RAP1GDS1: variants seen among roughly 807,000 people sequenced by gnomAD.
RAP1GDS1 encodes RAP1, GTP-GDP dissociation stimulator 1.
Under a neutral mutation model 71.1 loss-of-function variants are expected in RAP1GDS1, and 35 were observed. The ratio of observed to expected loss-of-function variants is 0.49; its 90% CI spans 0.38 to 0.65. The LOEUF (loss-of-function observed/expected upper bound fraction) is 0.65, where lower values mean the gene tolerates loss of function less well. RAP1GDS1 is among the 30% of genes least tolerant of loss of function. RAP1GDS1 has a pLI of 0.00. For synonymous variants in RAP1GDS1, 229 were observed against 243.1 expected (o/e 0.94, Z 0.54); for missense variants, 663 against 706.1 (o/e 0.94, Z 0.69).
chr4:98,429,047 A>G (rs1010810216), intron 12 of RAP1GDS1, among the ~76,000 whole-genome samples: 1 of 152,038 alleles, frequency 6.6e-6, no homozygotes, highest in Non-Finnish European at 1.5e-5. Context: ...TCACCAAGTC[A>G]GGAGATCAAG....
At chr4:98,379,984 A>T (rs1741743128) in intron 5 of RAP1GDS1, among the ~76,000 whole-genome samples, 1 of 151,108 alleles carries the variant, frequency 6.6e-6, no homozygotes, top group Admixed American at 6.6e-5. Context: ...ATTATTCTTT[A>T]CTTTCGTGTG....
intron 2 of RAP1GDS1, among the ~76,000 whole-genome samples, chr4:98,340,799 A>G (rs749986145): frequency 1.3e-5 from 2 of 152,000 alleles, no homozygotes; most frequent in Non-Finnish European, 2.9e-5. Context: ...AAATATATAT[A>G]TAAAAAGTGG....
At chr4:98,432,335 A>ATATG (rs1254238119) in intron 12 of RAP1GDS1, among the ~76,000 whole-genome samples, 1 of 152,200 alleles carries the variant, frequency 6.6e-6, no homozygotes, top group Non-Finnish European at 1.5e-5. Context: ...AAATGATTGC[A>ATATG]TATGTATCTG....
At chr4:98,414,012 G>A (rs1454278318) in intron 7 of RAP1GDS1, among the ~76,000 whole-genome samples, 1 of 152,140 alleles carries the variant, frequency 6.6e-6, no homozygotes, top group Admixed American at 6.5e-5. Flanking sequence ...CTGCATAAAT[G>A]TCTTCTTTTG....
At chr4:98,414,315 C>G (rs1003032976) in intron 7 of RAP1GDS1, among the ~76,000 whole-genome samples, 2 of 140,078 alleles carry the variant, frequency 1.4e-5, no homozygotes, top group African/African-American at 5.8e-5. Flanking sequence ...AATGGTAATG[C>G]CTAGGTTTTC....
intron 3 of RAP1GDS1, among the ~76,000 whole-genome samples, chr4:98,346,575 G>A (rs902454916): frequency 1.3e-5 from 2 of 149,624 alleles, no homozygotes; most frequent in African/African-American, 4.9e-5. Context: ...TTTTTTTTGA[G>A]AGGGAGTCGC....
chr4:98,359,981 G>C (rs1738486601), intron 4 of RAP1GDS1, among the ~76,000 whole-genome samples: 1 of 152,154 alleles, frequency 6.6e-6, no homozygotes, highest in African/African-American at 2.4e-5. Context: ...GCAATGTAAA[G>C]TACTCTATCT....
At chr4:98,313,275 G>A (rs542090603) in intron 2 of RAP1GDS1, among the ~76,000 whole-genome samples, 2 of 152,022 alleles carry the variant, frequency 1.3e-5, no homozygotes, top group East Asian at 3.9e-4. Flanking sequence ...TCAACTGATA[G>A]GGCACAATGT....
intron 3 of RAP1GDS1, among the ~76,000 whole-genome samples, chr4:98,344,716 T>C (rs1228475571): frequency 6.6e-6 from 1 of 152,228 alleles, no homozygotes; most frequent in African/African-American, 2.4e-5. Flanking sequence ...TAACCTCCAC[T>C]GGTTAAAATA....
At chr4:98,387,339 CT>C (rs951105345) in intron 5 of RAP1GDS1, 1 of 407,048 alleles carries the variant, frequency 2.5e-6, no homozygotes, top group Admixed American at 2.6e-5. Flanking sequence ...TCTCAGCATA[CT>C]TTTCTGGACC....
chr4:98,294,137 T>C (rs1727377223), intron 2 of RAP1GDS1, among the ~76,000 whole-genome samples: 1 of 152,064 alleles, frequency 6.6e-6, no homozygotes, highest in South Asian at 2.1e-4. Flanking sequence ...CTATTTCTAG[T>C]CACTAATTTC....
chr4:98,365,422 C>T (rs896325021), intron 4 of RAP1GDS1, among the ~76,000 whole-genome samples: 3 of 151,564 alleles, frequency 2.0e-5, no homozygotes, highest in Non-Finnish European at 2.9e-5. Context: ...TGAAACCAGC[C>T]TGGGCAACAT....
intron 6 of RAP1GDS1, among the ~76,000 whole-genome samples, chr4:98,400,967 T>G (rs1745325526): frequency 6.6e-6 from 1 of 152,194 alleles, no homozygotes; most frequent in Non-Finnish European, 1.5e-5. Flanking sequence ...CTCAGAAAAT[T>G]TCTTAAATAC....
intron 4 of RAP1GDS1, among the ~76,000 whole-genome samples, chr4:98,365,353 A>G (rs950262459): frequency 3.3e-5 from 5 of 152,134 alleles, no homozygotes; most frequent in African/African-American, 1.2e-4. Flanking sequence ...CATGGCTCAC[A>G]CCTGTAATCC....
chr4:98,327,996 A>G (rs1165280567), intron 2 of RAP1GDS1, among the ~76,000 whole-genome samples: 2 of 152,246 alleles, frequency 1.3e-5, no homozygotes, highest in Non-Finnish European at 2.9e-5. Context: ...ATTCATAATA[A>G]TATGGCAATC....
intron 1 of RAP1GDS1, among the ~76,000 whole-genome samples, chr4:98,277,527 T>A (rs759365343): frequency 9.2e-5 from 14 of 152,168 alleles, no homozygotes; most frequent in Non-Finnish European, 1.9e-4. Flanking sequence ...TTTGATTCTG[T>A]TATTATATTA....
chr4:98,360,858 G>A (rs1054385497), intron 4 of RAP1GDS1, among the ~76,000 whole-genome samples: 1 of 152,136 alleles, frequency 6.6e-6, no homozygotes, highest in Admixed American at 6.6e-5. Flanking sequence ...GATCACTTGA[G>A]GTCAGGAGTT....
At chr4:98,306,781 G>C (rs1186166302) in intron 2 of RAP1GDS1, among the ~76,000 whole-genome samples, 1 of 152,124 alleles carries the variant, frequency 6.6e-6, no homozygotes, top group Non-Finnish European at 1.5e-5. Context: ...GTAGTATCAT[G>C]CTACTTTTTA....
intron 2 of RAP1GDS1, among the ~76,000 whole-genome samples, chr4:98,300,156 T>C (rs1047949898): frequency 1.3e-5 from 2 of 152,178 alleles, no homozygotes; most frequent in Admixed American, 1.3e-4. Flanking sequence ...CTTTGTCTTA[T>C]TTTAAGAAGT....
Sources: allele counts gnomAD v4.1 joint callset (sites outside exome capture counted in the v4.1 genomes callset), GRCh38; gene constraint gnomAD v4.1.1; transcripts MANE v1.5; gene names NCBI Gene and HGNC (gene_info 2026-07-23, HGNC 2026-07-21).